The following TRPC5 variants were observed in gnomAD, a reference collection of about 807,000 sequenced individuals.
The protein encoded by TRPC5 is transient receptor potential cation channel subfamily C member 5, also known as short transient receptor potential channel 5.
Under a neutral mutation model 56.5 loss-of-function variants are expected in TRPC5, and 9 were observed. The ratio of observed to expected loss-of-function variants is 0.16; its 90% CI spans 0.10 to 0.28. The LOEUF is 0.28. Ranked by LOEUF, TRPC5 falls within the 10% of genes least tolerant of loss-of-function variation. The probability of loss-of-function intolerance (pLI) is 1.00; values close to 1 mark genes in which losing one functional copy is unlikely to be tolerated. For missense variants in TRPC5, 469 were observed against 748.9 expected (o/e 0.63, Z 4.36); for synonymous variants, 282 against 278.5 (o/e 1.01, Z -0.13).
At chrX:112,029,706 T>C (rs1301414076) in intron 1 of TRPC5, among the ~76,000 whole-genome samples, 1 of 111,878 alleles carries the variant, frequency 8.9e-6, no homozygotes, top group African/African-American at 3.3e-5. Flanking sequence ...GTGAACTGTC[T>C]CTCAACTTTC....
intron 7 of TRPC5, among the ~76,000 whole-genome samples, chrX:111,824,097 G>A (rs1922114431): frequency 9.1e-6 from 1 of 109,896 alleles, no homozygotes; most frequent in African/African-American, 3.3e-5. Context: ...TGGGCATGGT[G>A]GCTTGCACCT....
At chrX:111,882,070 C>A in intron 3 of TRPC5, 1 of 112,120 alleles carries the variant, frequency 8.9e-6, no homozygotes, top group Non-Finnish European at 1.9e-5. Context: ...TGGGCAAAAG[C>A]CGTAAAGTCA....
At chrX:111,864,232 C>T (rs1189541651) in intron 3 of TRPC5, among the ~76,000 whole-genome samples, 1 of 111,621 alleles carries the variant, frequency 9.0e-6, no homozygotes, top group Non-Finnish European at 1.9e-5. Flanking sequence ...TCCTGATCCG[C>T]AGGCCTCCAC....
At chrX:112,009,010 T>C (rs1928921712) in intron 1 of TRPC5, among the ~76,000 whole-genome samples, 2 of 111,425 alleles carry the variant, frequency 1.8e-5, no homozygotes, top group Non-Finnish European at 3.8e-5. Context: ...CCTTCTGACC[T>C]GGATGCTTTA....
intron 3 of TRPC5, chrX:111,903,898 T>C (rs1485089517): frequency 8.9e-6 from 1 of 112,407 alleles, no homozygotes; most frequent in East Asian, 2.8e-4. Context: ...CTTATGATTG[T>C]TTACAATCTG....
At chrX:111,858,668 T>C (rs765372577) in intron 3 of TRPC5, among the ~76,000 whole-genome samples, 18 of 110,978 alleles carry the variant, frequency 1.6e-4, no homozygotes, top group Non-Finnish European at 3.0e-4. Context: ...GCTTTTGGCT[T>C]CCCTATCTTA....
chrX:111,828,170 T>C (rs1922296159), intron 7 of TRPC5, among the ~76,000 whole-genome samples: 1 of 112,323 alleles, frequency 8.9e-6, no homozygotes, highest in South Asian at 3.7e-4. Context: ...AAGCCAGCAA[T>C]GCACATCAAA....
intron 7 of TRPC5, among the ~76,000 whole-genome samples, chrX:111,828,437 G>T: frequency 8.9e-6 from 1 of 112,057 alleles, no homozygotes; most frequent in Middle Eastern, 4.6e-3. Flanking sequence ...TGAAGAGGTG[G>T]CTTCCACCAT....
At chrX:111,780,703 C>T (rs775922709) in intron 9 of TRPC5, among the ~76,000 whole-genome samples, 40 of 111,960 alleles carry the variant, frequency 3.6e-4, no homozygotes, top group African/African-American at 1.2e-3. Context: ...TCGATCTACA[C>T]AGTTCAATCC....
At chrX:111,985,870 C>T (rs1417790274) in intron 1 of TRPC5, among the ~76,000 whole-genome samples, 1 of 111,708 alleles carries the variant, frequency 9.0e-6, no homozygotes, top group African/African-American at 3.2e-5. Flanking sequence ...CAGTTGAGTG[C>T]TGCACTTGGC....
intron 3 of TRPC5, among the ~76,000 whole-genome samples, chrX:111,872,865 G>A (rs181053189): frequency 4.5e-5 from 5 of 112,264 alleles, no homozygotes; most frequent in Non-Finnish European, 5.6e-5. Flanking sequence ...AGCAACAGAT[G>A]TTGGTGAGGC....
chrX:112,073,358 CT>C (rs1930759662), intron 1 of TRPC5, among the ~76,000 whole-genome samples: 1 of 111,160 alleles, frequency 9.0e-6, no homozygotes, highest in East Asian at 2.8e-4. Context: ...TAACCTCCAC[CT>C]CCTGAGTTCA....
chrX:111,900,232 G>A (rs1925273996), intron 3 of TRPC5, among the ~76,000 whole-genome samples: 1 of 111,810 alleles, frequency 8.9e-6, no homozygotes, highest in Admixed American at 9.5e-5. Context: ...TGAAAACTGG[G>A]CAATAATAGA....
chrX:112,001,514 C>T (rs1480353217), intron 1 of TRPC5, among the ~76,000 whole-genome samples: 1 of 112,214 alleles, frequency 8.9e-6, no homozygotes, highest in Non-Finnish European at 1.9e-5. Context: ...ATTCCTAGCA[C>T]TTTGGGAGGC....
At chrX:112,039,162 G>A (rs1354355854) in intron 1 of TRPC5, among the ~76,000 whole-genome samples, 4 of 111,688 alleles carry the variant, frequency 3.6e-5, no homozygotes, top group Non-Finnish European at 5.6e-5. Flanking sequence ...TAACATTAAA[G>A]TTACTGTAAA....
intron 1 of TRPC5, among the ~76,000 whole-genome samples, chrX:112,023,943 C>T (rs1459027201): frequency 2.7e-5 from 3 of 111,389 alleles, no homozygotes; most frequent in Admixed American, 1.9e-4. Context: ...CAATATTACA[C>T]CCCTCCCTCA....
chrX:111,836,987 T>C (rs749021250), intron 6 of TRPC5, among the ~76,000 whole-genome samples: 13 of 112,722 alleles, frequency 1.2e-4, no homozygotes, highest in Non-Finnish European at 1.9e-4. Flanking sequence ...CTCAACTTGC[T>C]AAGTGGCTCT....
intron 3 of TRPC5, among the ~76,000 whole-genome samples, chrX:111,886,496 A>T (rs1443222842): frequency 9.0e-6 from 1 of 111,187 alleles, no homozygotes; most frequent in African/African-American, 3.3e-5. Flanking sequence ...GAATTGTTGC[A>T]TGCTGTTTCA....
intron 1 of TRPC5, among the ~76,000 whole-genome samples, chrX:112,062,834 G>C (rs1930489193): frequency 8.9e-6 from 1 of 111,889 alleles, no homozygotes. Flanking sequence ...GATGAATCTA[G>C]TGACTATGTG....
Sources: allele counts gnomAD v4.1 joint callset (sites outside exome capture counted in the v4.1 genomes callset), GRCh38; gene constraint gnomAD v4.1.1; transcripts MANE v1.5; gene names NCBI Gene and HGNC (gene_info 2026-07-23, HGNC 2026-07-21).